Variants in CNNM2 observed in about 807,000 individuals in gnomAD.
CNNM2 encodes metal transporter CNNM2.
A neutral mutation model predicts 66.9 loss-of-function variants in CNNM2; 12 were observed. That is an observed-to-expected ratio of 0.18 (90% CI 0.11 to 0.29). The LOEUF (loss-of-function observed/expected upper bound fraction) is 0.29. Among genes scored for constraint, CNNM2 ranks in the 10% least tolerant of loss-of-function variants. The pLI is 1.00. For missense variants in CNNM2, 705 were observed against 1,167.7 expected (o/e 0.60, Z 5.77); for synonymous variants, 557 against 501.8 (o/e 1.11, Z -1.47).
chr10:102,979,591 C>T (rs962733606), intron 1 of CNNM2, among the ~76,000 whole-genome samples: 10 of 152,142 alleles, frequency 6.6e-5, no homozygotes, highest in East Asian at 1.9e-4. Flanking sequence ...TTTGTCTCCC[C>T]GCCACCCACC....
rs562417683 is a variant in CNNM2 at position 102,951,629 on chromosome 10, CT to C, written c.1621+31538del. ...TATGGTTGTCTAAAAATTTTAGAAA[CT>C]TTTTTTTTTCTTTTTTTTTTTTTTT... On this transcript the variant is annotated intron_variant, in intron 1 of 7. Coordinates refer to ENST00000369878, the MANE Select transcript of CNNM2 (RefSeq NM_017649.5). Among the ~76,000 whole-genome samples the C allele has an allele frequency of 7.6e-3, 1,100 of 145,422 alleles. 15 individuals carry two copies. The highest frequency in any genetic ancestry group is 0.024 in the African/African-American group (937 of 39,628).
In CNNM2 at chr10:103,089,613, G is replaced by C. The variant is rs1225398519; in HGVS notation, c.*12433G>C. On this transcript the variant is annotated 3_prime_UTR_variant, in exon 8 of 8. Coordinates refer to ENST00000369878, the MANE Select transcript of CNNM2 (RefSeq NM_017649.5). ...TAGAACCCTAACAGGGACCTCGTTTGTTCCTGTGAGTCCTGCCAGGACTTG... is the reference window on the plus strand; with the variant it reads ...TAGAACCCTAACAGGGACCTCGTTTCTTCCTGTGAGTCCTGCCAGGACTTG... The C allele has an allele frequency of 1.3e-6, 2 of 1,504,618 alleles. No individual in the cohort carries two copies. Among genetic ancestry groups the C allele is most frequent in the African/African-American group, 2.8e-5 (2 of 71,590 alleles). 93.2% of individuals were successfully genotyped at this position (1,504,618 alleles called of 1,614,324 possible).
At chr10:103,035,715 T>TG (rs962390900) in intron 1 of CNNM2, among the ~76,000 whole-genome samples, 14 of 151,880 alleles carry the variant, frequency 9.2e-5, no homozygotes, top group African/African-American at 3.4e-4. Flanking sequence ...AGAAAAGGAG[T>TG]GGGTGGTGGT....
At chr10:102,929,425 A>G (rs538192775) in intron 1 of CNNM2, among the ~76,000 whole-genome samples, 1 of 151,380 alleles carries the variant, frequency 6.6e-6, no homozygotes, top group East Asian at 1.9e-4. Context: ...CCTGGGTGAC[A>G]GAGCAAGAGC....
chr10:103,061,630 A>T (rs2065387967), intron 4 of CNNM2, among the ~76,000 whole-genome samples: 1 of 152,226 alleles, frequency 6.6e-6, no homozygotes, highest in South Asian at 2.1e-4. Flanking sequence ...ACAAGATGGC[A>T]TGATAGTCAA....
chr10:102,972,472 T>C (rs1167540169), intron 1 of CNNM2, among the ~76,000 whole-genome samples: 2 of 151,948 alleles, frequency 1.3e-5, no homozygotes, highest in African/African-American at 4.8e-5. Flanking sequence ...CTGTCTCTAC[T>C]AAAAATACAA....
Position 103,085,984 on chromosome 10 carries a change from C to T in CNNM2, c.*8804C>T, listed in dbSNP as rs1183335569. On this transcript the variant is annotated 3_prime_UTR_variant, in exon 8 of 8. Transcript: ENST00000369878. ...ACTTGCTTTCTGCTGTTTCTAGATA[C>T]CTAGCAGCGCGAGAACTGTGTGACG... 6.6e-6 allele frequency: 1 copy of T among 152,286 alleles called. No individual in the cohort carries two copies. The highest frequency in any genetic ancestry group is 1.5e-5 in the Non-Finnish European group (1 of 68,020). The allele number at this position is 152,286 out of a possible 1,614,324, so 9.4% of individuals were successfully genotyped here. A position where few individuals can be genotyped will look rare whatever the true frequency, so the allele number is the denominator to read the frequency against.
chr10:102,968,608 C>CTT lies in CNNM2; in HGVS notation c.1621+48520_1621+48521dup, dbSNP rs547393785. On this transcript the variant is annotated intron_variant, in intron 1 of 7. Transcript: ENST00000369878. ...TAACCATGCTACTGGGAGTGTAGTG[C>CTT]TTTTTTTTTTTTTTCTTTGAGACAG... 2.8e-5 allele frequency among the ~76,000 whole-genome samples: 4 copies of CTT among 142,708 alleles called. No individual in the cohort carries two copies. In the East Asian group the frequency reaches 6.1e-4, roughly 22 times the overall value. 93.6% of individuals were successfully genotyped at this position (142,708 alleles called of 152,430 possible).
chr10:103,006,641 C>T (rs920737972), intron 1 of CNNM2, among the ~76,000 whole-genome samples: 11 of 151,908 alleles, frequency 7.2e-5, no homozygotes, highest in Admixed American at 5.2e-4. Flanking sequence ...GCTGGTTCTT[C>T]TTTTACTTAG....
At chr10:102,927,315 T>A (rs1845903673) in intron 1 of CNNM2, 1 of 1,613,200 alleles carries the variant, frequency 6.2e-7, no homozygotes, top group Non-Finnish European at 8.5e-7. Flanking sequence ...TTTAAAGTAT[T>A]GTCTTTTCAT....
chr10:102,927,608 C>A (rs1703514941), intron 1 of CNNM2: 4 of 679,544 alleles, frequency 5.9e-6, no homozygotes. Context: ...AATAAAAATA[C>A]AGAAAAATTA....
intron 1 of CNNM2, among the ~76,000 whole-genome samples, chr10:102,965,341 G>T (rs1169435823): frequency 6.6e-6 from 1 of 152,122 alleles, no homozygotes; most frequent in Non-Finnish European, 1.5e-5. Context: ...CTTAAATTGG[G>T]CTGGCTTATA....
intron 4 of CNNM2, among the ~76,000 whole-genome samples, chr10:103,060,055 T>G (rs1361361116): frequency 6.6e-6 from 1 of 152,056 alleles, no homozygotes; most frequent in Non-Finnish European, 1.5e-5. Flanking sequence ...CAGGATTGCT[T>G]AAGCCCAGGT....
intron 1 of CNNM2, among the ~76,000 whole-genome samples, chr10:102,971,639 G>A (rs1156256860): frequency 1.3e-5 from 2 of 152,014 alleles, no homozygotes; most frequent in Non-Finnish European, 2.9e-5. Flanking sequence ...TTGGCCCAGG[G>A]TATGGTGGCT....
chr10:103,053,151 A>G (rs995754457), intron 2 of CNNM2, among the ~76,000 whole-genome samples: 12 of 152,354 alleles, frequency 7.9e-5, no homozygotes, highest in African/African-American at 2.4e-4. Flanking sequence ...CTGGTAAACC[A>G]AAGCCCATGG....
chr10:102,995,078 C>T (rs1477835016), intron 1 of CNNM2, among the ~76,000 whole-genome samples: 1 of 130,466 alleles, frequency 7.7e-6, no homozygotes, highest in African/African-American at 2.9e-5. Context: ...AAGGGGCTGC[C>T]CACATGCGTT....
chr10:102,920,578 A>G (rs1845592480), intron 1 of CNNM2, among the ~76,000 whole-genome samples: 1 of 152,090 alleles, frequency 6.6e-6, no homozygotes, highest in Non-Finnish European at 1.5e-5. Context: ...TTAAACATCC[A>G]CACTGGCCTT....
intron 1 of CNNM2, among the ~76,000 whole-genome samples, chr10:103,028,765 A>G (rs930896048): frequency 2.7e-5 from 4 of 150,586 alleles, no homozygotes; most frequent in African/African-American, 9.8e-5. Context: ...CATTTCCGCC[A>G]TAATCTTCAT....
At chr10:103,020,746 A>G (rs1294687954) in intron 1 of CNNM2, among the ~76,000 whole-genome samples, 1 of 152,118 alleles carries the variant, frequency 6.6e-6, no homozygotes, top group Non-Finnish European at 1.5e-5. Flanking sequence ...TCTGATTAGA[A>G]TTATTGACAG....
Sources: gnomAD v4.1 joint callset for allele counts (sites outside exome capture counted in the v4.1 genomes callset) on GRCh38, gnomAD v4.1.1 for gene constraint, MANE v1.5 for transcripts, NCBI Gene and HGNC (gene_info 2026-07-23, HGNC 2026-07-21) for gene names.